The following SPTBN1 variants were observed in gnomAD, a reference collection of about 807,000 sequenced individuals.
The protein encoded by SPTBN1 is spectrin beta chain, non-erythrocytic 1.
In SPTBN1, 32 loss-of-function variants were observed where a neutral mutation model predicts 266.4. The observed-to-expected ratio is 0.12, with a 90% CI of 0.09 to 0.16. SPTBN1 has a LOEUF of 0.16. SPTBN1 is among the 10% of genes least tolerant of loss of function. The pLI, the probability that SPTBN1 is intolerant of heterozygous loss-of-function variation, is 1.00. For missense variants in SPTBN1, 2,296 were observed against 3,067.1 expected (o/e 0.75, Z 5.94); for synonymous variants, 1,336 against 1,162.2 (o/e 1.15, Z -3.04).
intron 2 of SPTBN1, among the ~76,000 whole-genome samples, chr2:54,567,020 A>G (rs929717833): frequency 1.3e-5 from 2 of 152,216 alleles, no homozygotes; most frequent in African/African-American, 4.8e-5. Context: ...TTATTAACAA[A>G]TATTTATTGA....
At chr2:54,597,930 C>G (rs1484237135) in intron 2 of SPTBN1, among the ~76,000 whole-genome samples, 3 of 126,132 alleles carry the variant, frequency 2.4e-5, no homozygotes, top group Non-Finnish European at 4.7e-5. Flanking sequence ...TGGGTTTGCA[C>G]TAGGAGTAGG....
At position 54,558,398 on chromosome 2, in the gene SPTBN1, T is replaced by TGC; in HGVS notation, c.148+31837_148+31838dup. On this transcript the variant is annotated intron_variant, in intron 2 of 35. Transcript: ENST00000356805. The surrounding 1 kb of genome is among the most constrained non-coding windows in gnomAD (Gnocchi z 4.6). ...CGCCGCGGGCAGCTGGGAGGAGGTG[T>TGC]GCGCGCTGCGCCCGCGAGCTCCCGG... 9.9e-7 allele frequency: 1 copy of TGC among 1,013,684 alleles called. No individual in the cohort carries two copies. Among genetic ancestry groups the TGC allele is most frequent in the Non-Finnish European group, 1.2e-6 (1 of 848,206 alleles). 62.8% of individuals were successfully genotyped at this position (1,013,684 alleles called of 1,614,324 possible).
At chr2:54,529,926 G>C (rs1671111313) in intron 2 of SPTBN1, 1 of 361,734 alleles carries the variant, frequency 2.8e-6, no homozygotes, top group Non-Finnish European at 5.1e-6. Context: ...CTAACCACTT[G>C]ACTTTGAGGA....
At chr2:54,459,093 A>G (rs1210807563) in intron 1 of SPTBN1, among the ~76,000 whole-genome samples, 3 of 152,222 alleles carry the variant, frequency 2.0e-5, no homozygotes, top group African/African-American at 7.2e-5. Flanking sequence ...GTTGTAAGAA[A>G]TATCCTGTGT....
chr2:54,642,335 G>C (rs1679628180), intron 18 of SPTBN1, among the ~76,000 whole-genome samples: 2 of 152,146 alleles, frequency 1.3e-5, no homozygotes, highest in Non-Finnish European at 2.9e-5. Flanking sequence ...CAAGTCCTGT[G>C]AAGTGTTCTT....
chr2:54,649,329 T>G lies in SPTBN1; in HGVS notation c.5202+139T>G. 9.3e-7 allele frequency: 1 copy of G among 1,077,038 alleles called. No individual in the cohort carries two copies. 66.7% of individuals were successfully genotyped at this position (1,077,038 alleles called of 1,614,324 possible). On this transcript the variant is annotated intron_variant, in intron 25 of 35. Coordinates refer to ENST00000356805, the MANE Select transcript of SPTBN1 (RefSeq NM_003128.3). The surrounding 1 kb of genome is among the most constrained non-coding windows in gnomAD (Gnocchi z 6.7). The stretch of plus-strand genomic sequence containing the variant: ...TTGGGGTTTAGTTTTAAGGTGGTGT[T>G]TCTTTTATAAGCTGGTGACTCGCAT...
At chr2:54,581,117 A>T (rs1033932839) in intron 2 of SPTBN1, among the ~76,000 whole-genome samples, 1 of 152,058 alleles carries the variant, frequency 6.6e-6, no homozygotes, top group Non-Finnish European at 1.5e-5. Context: ...GAAAAAATAT[A>T]TAAATATATA....
rs530400430 is a variant in SPTBN1 at position 54,542,529 on chromosome 2, C to T, written c.148+15963C>T. 7.9e-5 allele frequency among the ~76,000 whole-genome samples: 12 copies of T among 152,292 alleles called. No individual in the cohort carries two copies. The South Asian group carries it at 2.5e-3, about 32-fold the overall frequency. On this transcript the variant is annotated intron_variant, in intron 2 of 35. Transcript: ENST00000356805. ...TACGCTAGAAGCAGCAGAGGACCCT[C>T]CCCTAGATTTCCATCCCCAGGGGGC... is the stretch of plus-strand genomic sequence containing the variant.
intron 2 of SPTBN1, among the ~76,000 whole-genome samples, chr2:54,592,014 T>A (rs939170520): frequency 2.6e-5 from 4 of 151,642 alleles, no homozygotes; most frequent in Non-Finnish European, 5.9e-5. Flanking sequence ...CAAAAAAAAA[T>A]GAAAAAGCCA....
At chr2:54,549,799 G>C (rs1432988863) in intron 2 of SPTBN1, among the ~76,000 whole-genome samples, 2 of 152,210 alleles carry the variant, frequency 1.3e-5, no homozygotes, top group African/African-American at 4.8e-5. Context: ...GGACTAAAAG[G>C]TGAGGGGAGG....
intron 1 of SPTBN1, among the ~76,000 whole-genome samples, chr2:54,472,470 C>T (rs967102537): frequency 2.0e-5 from 3 of 152,178 alleles, no homozygotes; most frequent in African/African-American, 7.2e-5. Context: ...TTAGCTGATT[C>T]ACTTTTAGAC....
At chr2:54,487,864 C>T (rs1290009721) in intron 1 of SPTBN1, among the ~76,000 whole-genome samples, 2 of 30,208 alleles carry the variant, frequency 6.6e-5, no homozygotes, top group Non-Finnish European at 1.6e-4. Flanking sequence ...GAGTCTTGCT[C>T]TGTCACCCAG....
At chr2:54,592,869 G>A (rs986713567) in intron 2 of SPTBN1, among the ~76,000 whole-genome samples, 4 of 152,196 alleles carry the variant, frequency 2.6e-5, no homozygotes, top group African/African-American at 9.7e-5. Context: ...ACTGGCTGGT[G>A]ACACTTAGCA....
rs1474751281 is a variant in SPTBN1 at position 54,466,442 on chromosome 2, G to A, written c.-48+9924G>A. Among the ~76,000 whole-genome samples the A allele has an allele frequency of 1.4e-4, 4 of 28,406 alleles. 2 individuals carry two copies. Among genetic ancestry groups the A allele is most frequent in the Admixed American group, 1.4e-3 (4 of 2,888 alleles). The allele number at this position is 28,406 out of a possible 152,430, so 18.6% of individuals were successfully genotyped here. On this transcript the variant is annotated intron_variant, in intron 1 of 35. Transcript: ENST00000356805. ...CCGGGCGTGGTAGCGGGCGCCTGTA[G>A]TCCCAGCTACTCGGGAGGCTGAGGC... is the stretch of plus-strand genomic sequence containing the variant.
intron 2 of SPTBN1, among the ~76,000 whole-genome samples, chr2:54,581,515 A>G (rs1486959446): frequency 6.7e-6 from 1 of 148,650 alleles, no homozygotes; most frequent in African/African-American, 2.5e-5. Context: ...CACTCCTCCT[A>G]GGCAGGCAAG....
chr2:54,462,853 C>A (rs1693434142), intron 1 of SPTBN1, among the ~76,000 whole-genome samples: 1 of 152,160 alleles, frequency 6.6e-6, no homozygotes, highest in Admixed American at 6.5e-5. Context: ...TGGCAGACAT[C>A]GAAAATCAGT....
At chr2:54,641,771 C>T (rs1679582951) in intron 18 of SPTBN1, among the ~76,000 whole-genome samples, 1 of 151,958 alleles carries the variant, frequency 6.6e-6, no homozygotes, top group Non-Finnish European at 1.5e-5. Context: ...TCCTGTGACC[C>T]ACGTCGCTCT....
At chr2:54,497,583 C>A (rs1445901620) in intron 1 of SPTBN1, among the ~76,000 whole-genome samples, 2 of 152,134 alleles carry the variant, frequency 1.3e-5, no homozygotes, top group African/African-American at 4.8e-5. Context: ...GGTTTTTAAA[C>A]TTTGAACAAC....
chr2:54,660,247 T>A, intron 32 of SPTBN1: 1 of 1,371,384 alleles, frequency 7.3e-7, no homozygotes, highest in Middle Eastern at 2.0e-4. Context: ...TCTTAACTGA[T>A]GGATGCCCAC....
Sources: gnomAD v4.1 joint callset for allele counts (sites outside exome capture counted in the v4.1 genomes callset) on GRCh38, gnomAD v4.1.1 for gene constraint, Gnocchi (gnomAD v3.1) non-coding constraint, MANE v1.5 for transcripts, NCBI Gene and HGNC (gene_info 2026-07-23, HGNC 2026-07-21) for gene names.